ITGB8: variants seen among roughly 807,000 people sequenced by gnomAD.
ITGB8 encodes integrin beta-8.
ITGB8 carries 30 observed loss-of-function variants against 89.5 expected under a neutral mutation model. The observed-to-expected ratio is 0.34, with a 90% CI of 0.25 to 0.45. The LOEUF is 0.45. Ranked by LOEUF, ITGB8 falls within the 20% of genes least tolerant of loss-of-function variation. ITGB8 has a pLI of 1.00. For missense variants in ITGB8, 836 were observed against 933.3 expected, an observed-to-expected ratio of 0.90 and a Z score of 1.36; for synonymous variants, 335 against 320.4, an observed-to-expected ratio of 1.05 and a Z score of -0.49.
Position 20,404,765 on chromosome 7 carries a change from T to A in ITGB8, c.1825T>A (p.Cys609Ser). The change falls in exon 11 of 14, where the codon TGT (cysteine) becomes AGT (serine). Residue 609 changes from cysteine to serine, a missense_variant. Physicochemically the swap from Cys to Ser is moderately radical, Grantham distance 112 (BLOSUM62 -1). This residue lies in a region of ITGB8 where 422 missense variants were observed against 416.9 expected (regional missense o/e 1.01). Coordinates refer to ENST00000222573, the MANE Select transcript of ITGB8 (RefSeq NM_002214.3). ...QVCSGRGTCV[C>S]GRCECTDPRS... ...GTGCAGTGGAAGAGGCACGTGTGTG[T>A]GTGGAAGGTGTGAGTGCACCGATCC... The A allele has an allele frequency of 6.2e-7, 1 of 1,614,130 alleles. No homozygotes were observed. Among genetic ancestry groups the A allele is most frequent in the Non-Finnish European group, 8.5e-7 (1 of 1,180,012 alleles).
chr7:20,339,520 C>T (rs1394744655), intron 1 of ITGB8, among the ~76,000 whole-genome samples: 1 of 152,040 alleles, frequency 6.6e-6, no homozygotes, highest in Non-Finnish European at 1.5e-5. Flanking sequence ...GTGCTAAGAT[C>T]AATTCTTGCT....
chr7:20,396,767 T>C lies in ITGB8; in HGVS notation c.1146+1782T>C, dbSNP rs553967512. Among the ~76,000 whole-genome samples the C allele has an allele frequency of 6.0e-4, 91 of 152,306 alleles. 1 individual carries two copies. Among genetic ancestry groups the C allele is most frequent in the African/African-American group, 2.1e-3 (89 of 41,576 alleles). On this transcript the variant is annotated intron_variant, in intron 8 of 13. Coordinates refer to ENST00000222573, the MANE Select transcript of ITGB8 (RefSeq NM_002214.3). The stretch of plus-strand genomic sequence containing the variant: ...CCCATTTATTACTCCAAAAAAAGTA[T>C]ATAAATTTACAGATTTTTACCTGTG...
chr7:20,400,590 A>G (rs919510065), intron 9 of ITGB8, among the ~76,000 whole-genome samples: 11 of 152,244 alleles, frequency 7.2e-5, no homozygotes, highest in African/African-American at 2.7e-4. Flanking sequence ...TGAAAGAAAT[A>G]TACCTTCTTA....
intron 4 of ITGB8, chr7:20,380,063 G>A (rs535635939): frequency 6.6e-6 from 1 of 152,302 alleles, no homozygotes; most frequent in Admixed American, 6.5e-5. Flanking sequence ...TACCGAAACA[G>A]CTCTGTCATC....
intron 10 of ITGB8, among the ~76,000 whole-genome samples, chr7:20,403,920 T>C (rs1357672788): frequency 6.6e-6 from 1 of 152,224 alleles, no homozygotes; most frequent in Non-Finnish European, 1.5e-5. Context: ...ACTTTTACTG[T>C]CTAAAATCCA....
In ITGB8 at chr7:20,381,802, G is replaced by C; in HGVS notation, c.877G>C (p.Asp293His). 6.2e-7 allele frequency: 1 copy of C among 1,614,140 alleles called. No individual in the cohort carries two copies. Among genetic ancestry groups the C allele is most frequent in the Non-Finnish European group, 8.5e-7 (1 of 1,179,972 alleles). Reference sequence around the variant, plus strand: ...AGATCAGACGTCTCATCTCGCTCTTGATAGCAAATTGGCAGGCATAGTGGT... The same window carrying C: ...AGATCAGACGTCTCATCTCGCTCTTCATAGCAAATTGGCAGGCATAGTGGT... ...MTDQTSHLAL[D>H]SKLAGIVVPN... is the part of the protein sequence containing the mutation. Residue 293 changes from aspartate (D) to histidine (H), a missense_variant, in exon 6 of 14, where the codon GAT becomes CAT. Asp to His is a moderately conservative substitution (Grantham distance 81). Around this residue, in one of 5 missense-constraint regions of ITGB8, gnomAD observed 192 missense variants for 267.1 expected, o/e 0.72. Transcript: ENST00000222573.
intron 3 of ITGB8, among the ~76,000 whole-genome samples, chr7:20,373,356 AC>A (rs1334988588): frequency 2.0e-5 from 3 of 152,186 alleles, no homozygotes; most frequent in Admixed American, 2.0e-4. Flanking sequence ...CTCTAAGGAA[AC>A]TGGATATTAA....
chr7:20,331,722 G>A lies in ITGB8; in HGVS notation c.-85G>A. On this transcript the variant is annotated 5_prime_UTR_variant, in exon 1 of 14. Coordinates refer to ENST00000222573, the MANE Select transcript of ITGB8 (RefSeq NM_002214.3). ...AAAACGTCCTAGCGACACTCGGCCC[G>A]CGGGCCCCGAGGTGCGCCCGGGAGG... 2.1e-6 allele frequency: 3 copies of A among 1,444,270 alleles called. No homozygotes were observed. The South Asian group carries it at 4.3e-5, about 21-fold the overall frequency. 89.5% of individuals were successfully genotyped at this position (1,444,270 alleles called of 1,614,324 possible).
chr7:20,359,182 T>A (rs185606860), intron 1 of ITGB8, among the ~76,000 whole-genome samples: 6 of 152,194 alleles, frequency 3.9e-5, no homozygotes, highest in African/African-American at 1.2e-4. Context: ...ATTTTTTTTT[T>A]AATAACATGG....
Position 20,373,944 on chromosome 7 carries a change from T to C in ITGB8, c.389-5107T>C, listed in dbSNP as rs570952415. ...CTCATTTTAACCACTTTTTATTCTTTGTATTCAAACCAATCACTGGCAATA... is the reference window on the plus strand; with the variant it reads ...CTCATTTTAACCACTTTTTATTCTTCGTATTCAAACCAATCACTGGCAATA... On this transcript the variant is annotated intron_variant, in intron 3 of 13. Coordinates refer to ENST00000222573, the MANE Select transcript of ITGB8 (RefSeq NM_002214.3). Among the ~76,000 whole-genome samples the C allele has an allele frequency of 3.9e-5, 6 of 152,344 alleles. No individual in the cohort carries two copies. In the South Asian group the frequency reaches 1.0e-3, roughly 26 times the overall value.
rs1784843824 is a variant in ITGB8, at chr7:20,343,986, C to T, written c.127+12053C>T. On this transcript the variant is annotated intron_variant, in intron 1 of 13. Transcript: ENST00000222573. ...TCCTTTGATCACATTTGCAAATTTT[C>T]ACCATTACTATTTAATCAATAAATG... Among the ~76,000 whole-genome samples, 4 of 152,148 alleles carry T rather than the reference C, an allele frequency of 2.6e-5. No homozygotes were observed. The South Asian group carries it at 8.3e-4, about 32-fold the overall frequency.
At chr7:20,367,250 TG>T in intron 3 of ITGB8, 64 bp downstream of exon 3, 7 of 1,235,750 alleles carry the variant, frequency 5.7e-6, no homozygotes, top group Non-Finnish European at 8.2e-6. Context: ...TACTTTAATT[TG>T]CTCATTTTTA....
intron 9 of ITGB8, among the ~76,000 whole-genome samples, chr7:20,399,285 T>G (rs1032838709): frequency 6.6e-6 from 1 of 152,144 alleles, no homozygotes; most frequent in African/African-American, 2.4e-5. Flanking sequence ...ATGACCGGTA[T>G]AAATTAGGAA....
chr7:20,337,576 T>C (rs972905514), intron 1 of ITGB8, among the ~76,000 whole-genome samples: 3 of 152,220 alleles, frequency 2.0e-5, no homozygotes, highest in Admixed American at 6.5e-5. Flanking sequence ...ATTCCCATTG[T>C]ATAGGTAAGC....
At chr7:20,362,570 G>C (rs1373718046) in intron 1 of ITGB8, among the ~76,000 whole-genome samples, 1 of 152,108 alleles carries the variant, frequency 6.6e-6, no homozygotes, top group Non-Finnish European at 1.5e-5. Context: ...CTAGCACTTT[G>C]GTGAAATCTC....
rs11452686 is a variant in ITGB8, at chr7:20,374,487, T to TAA, written c.389-4550_389-4549dup. Among the ~76,000 whole-genome samples the TAA allele has an allele frequency of 9.2e-3, 1,298 of 141,372 alleles. 10 individuals carry two copies. Among genetic ancestry groups the TAA allele is most frequent in the African/African-American group, 0.023 (914 of 38,960 alleles). 92.7% of individuals were successfully genotyped at this position (141,372 alleles called of 152,430 possible). On this transcript the variant is annotated intron_variant, in intron 3 of 13. Transcript: ENST00000222573. ...ACCTTATTTAGTAGCTCTTAGCTGCTAAAAAAAAAAAAAAAGATAAAGATG... is the reference window on the plus strand; with the variant it reads ...ACCTTATTTAGTAGCTCTTAGCTGCTAAAAAAAAAAAAAAAAAGATAAAGATG...
At chr7:20,359,578 C>A (rs1785423066) in intron 1 of ITGB8, among the ~76,000 whole-genome samples, 2 of 152,098 alleles carry the variant, frequency 1.3e-5, no homozygotes, top group Admixed American at 6.5e-5. Context: ...TGTCTGTAAA[C>A]AGCAGTCATG....
chr7:20,385,717 T>C (rs746617611), intron 6 of ITGB8, among the ~76,000 whole-genome samples: 4 of 152,240 alleles, frequency 2.6e-5, no homozygotes, highest in Non-Finnish European at 4.4e-5. Context: ...CTTATCTACT[T>C]GGAATTATAC....
In ITGB8 at chr7:20,401,980, A is replaced by G; in HGVS notation, c.1541A>G (p.His514Arg). 6.2e-7 allele frequency: 1 copy of G among 1,614,212 alleles called. No homozygotes were observed. The highest frequency in any genetic ancestry group is 8.5e-7 in the Non-Finnish European group (1 of 1,180,028). Residue 514 changes from histidine (H) to arginine (R), a missense_variant, in exon 10 of 14, where the codon CAC becomes CGC. Transcript: ENST00000222573. Reference sequence around the variant, plus strand: ...TTTTCTTCTGAGAGTTGCAAGTCACACAAGGATCAGCCTGTTTGCAGTGGT... The same window carrying G: ...TTTTCTTCTGAGAGTTGCAAGTCACGCAAGGATCAGCCTGTTTGCAGTGGT... ...DQFSSESCKS[H>R]KDQPVCSGRG...
Sources: gnomAD v4.1 joint callset for allele counts (sites outside exome capture counted in the v4.1 genomes callset) on GRCh38, gnomAD v4.1.1 for gene constraint, gnomAD v4.1.1 regional missense constraint, MANE v1.5 for transcripts, NCBI Gene and HGNC (gene_info 2026-07-23, HGNC 2026-07-21) for gene names.